PLTP: variants seen among roughly 807,000 people sequenced by gnomAD.
The protein encoded by PLTP is phospholipid transfer protein, also known as BPI fold containing family E.
Under a neutral mutation model 54.1 loss-of-function variants are expected in PLTP, and 43 were observed. The ratio of observed to expected loss-of-function variants is 0.79; its 90% CI spans 0.62 to 1.02. The LOEUF (loss-of-function observed/expected upper bound fraction) is 1.02. Among genes scored for constraint, PLTP ranks in the 50% least tolerant of loss-of-function variants. PLTP has a pLI of 0.00. For missense variants in PLTP, 604 were observed against 645.9 expected, an observed-to-expected ratio of 0.94 and a Z score of 0.70; for synonymous variants, 263 against 264.6, an observed-to-expected ratio of 0.99 and a Z score of 0.06.
Position 45,911,335 on chromosome 20 carries a change from T to C in PLTP, c.100+18A>G. The C allele has an allele frequency of 6.2e-7, 1 of 1,613,766 alleles. No homozygotes were observed. The highest frequency in any genetic ancestry group is 8.5e-7 in the Non-Finnish European group (1 of 1,180,010). Reference sequence around the variant, plus strand: ...CCCCGTCCGCTCCCGTCCGTCCCTGTCTGCCCCTGCGCCTTACCCAGCTCC... The same window carrying C: ...CCCCGTCCGCTCCCGTCCGTCCCTGCCTGCCCCTGCGCCTTACCCAGCTCC... On this transcript the variant is annotated intron_variant, in intron 2 of 15. Coordinates refer to ENST00000372431, the MANE Select transcript of PLTP (RefSeq NM_006227.4).
Position 45,907,880 on chromosome 20 carries a change from C to T in PLTP, c.510G>A (p.Thr170=), listed in dbSNP as rs926077509. The change falls in exon 6 of 16, where the codon ACG becomes ACA. Residue 170 remains threonine (T), a synonymous_variant. Transcript: ENST00000372431. ...GGAAGCGCATCCCTGAGGTGATGAA[C>T]GTGGAGAGAAAATCATACACCTTCC... ...TFKKVYDFLS[T]FITSGMRFLL... 1.9e-6 allele frequency: 3 copies of T among 1,588,340 alleles called. No individual in the cohort carries two copies. Among genetic ancestry groups the T allele is most frequent in the South Asian group, 1.1e-5 (1 of 86,988 alleles).
At chr20:45,910,204 C>T in intron 3 of PLTP, 134 bp from the exon 4 acceptor site, 2 of 960,414 alleles carry the variant, frequency 2.1e-6, no homozygotes, top group South Asian at 1.4e-5. Context: ...TTCCATTGTC[C>T]CTCAAGTGCC....
chr20:45,900,635 C>G (rs1464451101), intron 12 of PLTP, among the ~76,000 whole-genome samples: 4 of 152,056 alleles, frequency 2.6e-5, no homozygotes, highest in Non-Finnish European at 1.5e-5. Context: ...TCAAGTCAGC[C>G]TCCCACCTCA....
chr20:45,901,762 C>T (rs188497120), intron 12 of PLTP, among the ~76,000 whole-genome samples: 122 of 151,804 alleles, frequency 8.0e-4, no homozygotes, highest in African/African-American at 2.7e-3. Flanking sequence ...ATTAGCCGGG[C>T]GTGGTGGCGC....
chr20:45,904,984 G>A lies in PLTP; in HGVS notation c.840C>T (p.Tyr280=). The A allele has an allele frequency of 1.2e-6, 2 of 1,614,208 alleles. No homozygotes were observed. The highest frequency in any genetic ancestry group is 1.7e-6 in the Non-Finnish European group (2 of 1,180,026). ...EFFFDSAMES[Y]FRAGALQLLL... ...ACAGCTGCAGGGCCCCCGCCCGGAA[G>A]TAGCTCTCCATGGCAGAGTCGAAGA... is the stretch of plus-strand genomic sequence containing the variant. The change falls in exon 9 of 16, where the codon TAC becomes TAT. Residue 280 remains tyrosine, a synonymous_variant. Coordinates refer to ENST00000372431, the MANE Select transcript of PLTP (RefSeq NM_006227.4).
In PLTP at chr20:45,902,296, C is replaced by A. The variant is rs763077191; in HGVS notation, c.1146G>T (p.Lys382Asn). 6.8e-6 allele frequency: 11 copies of A among 1,614,118 alleles called. No homozygotes were observed. The South Asian group carries it at 1.2e-4, about 18-fold the overall frequency. ...GCAGGTCCAGCTGCGTGCGCAGGGC[C>A]TTCCCCCGGAGAGCCATCTTGGCGC... is the stretch of plus-strand genomic sequence containing the variant. ...RLSAKMALRG[K>N]ALRTQLDLRR... Residue 382 changes from lysine (K) to asparagine (N), a missense_variant, in exon 12 of 16, where the codon AAG becomes AAT. Physicochemically the swap from Lys to Asn is moderately conservative, Grantham distance 94. Transcript: ENST00000372431.
chr20:45,899,812 G>GGGCCCCCCC, intron 13 of PLTP, 24 bp downstream of exon 13: 1 of 309,340 alleles, frequency 3.2e-6, no homozygotes, highest in Non-Finnish European at 6.2e-6. Context: ...ACCCAGCCCA[G>GGGCCCCCCC]CCCACCCACC....
intron 14 of PLTP, 39 bp downstream of exon 14, chr20:45,899,583 C>T (rs974614397): frequency 6.2e-7 from 1 of 1,614,116 alleles, no homozygotes; most frequent in Non-Finnish European, 8.5e-7. Flanking sequence ...GCCCAGTTCA[C>T]CCCTCCTTTC....
intron 7 of PLTP, 67 bp downstream of exon 7, chr20:45,907,625 C>G (rs1458029820): frequency 2.7e-6 from 4 of 1,461,024 alleles, no homozygotes; most frequent in East Asian, 2.3e-5. Flanking sequence ...CAGCAGGGCT[C>G]GGAAGGGGCC....
rs1426186915 is a variant in PLTP, at chr20:45,899,372, G to T, written c.1359+90C>A. On this transcript the variant is annotated intron_variant, in intron 15 of 15. Coordinates refer to ENST00000372431, the MANE Select transcript of PLTP (RefSeq NM_006227.4). ...TAAAATGGGAGGGGCGACTGGTAAT[G>T]GGGGAGCTGGGGTCAGGTAATGGAG... The T allele has an allele frequency of 7.4e-6, 10 of 1,354,058 alleles. No individual in the cohort carries two copies. The Admixed American group carries it at 1.5e-4, about 21-fold the overall frequency. 83.9% of individuals were successfully genotyped at this position (1,354,058 alleles called of 1,614,324 possible). A position where few individuals can be genotyped will look rare whatever the true frequency, so the allele number is the denominator to read the frequency against.
chr20:45,911,337 T>G lies in PLTP; in HGVS notation c.100+16A>C, dbSNP rs776163275. 1 of 1,613,718 alleles carries G rather than the reference T, an allele frequency of 6.2e-7. No homozygotes were observed. The highest frequency in any genetic ancestry group is 1.1e-5 in the South Asian group (1 of 91,084). ...CCGTCCGCTCCCGTCCGTCCCTGTC[T>G]GCCCCTGCGCCTTACCCAGCTCCAG... On this transcript the variant is annotated intron_variant, in intron 2 of 15. Coordinates refer to ENST00000372431, the MANE Select transcript of PLTP (RefSeq NM_006227.4).
At position 45,901,805 on chromosome 20, in the gene PLTP, G is replaced by A. The variant is rs947649783; in HGVS notation, c.1175+462C>T. ...TAATCCCAGCTACTCAGGAAGCTGAGGCAGAATTGCCTAAACCCGGGAGGC... is the reference window on the plus strand; with the variant it reads ...TAATCCCAGCTACTCAGGAAGCTGAAGCAGAATTGCCTAAACCCGGGAGGC... On this transcript the variant is annotated intron_variant, in intron 12 of 15. Coordinates refer to ENST00000372431, the MANE Select transcript of PLTP (RefSeq NM_006227.4). Among the ~76,000 whole-genome samples the A allele has an allele frequency of 3.3e-5, 5 of 151,340 alleles. No individual in the cohort carries two copies. In the East Asian group the frequency reaches 5.8e-4, roughly 18 times the overall value.
chr20:45,911,693 T>C (rs1156990101), intron 1 of PLTP: 6 of 596,952 alleles, frequency 1.0e-5, no homozygotes, highest in Non-Finnish European at 1.8e-5. Context: ...GGAGGGGACG[T>C]TCCCAGTTCC....
Position 45,904,868 on chromosome 20 carries a change from G to A in PLTP, c.883-9C>T, listed in dbSNP as rs1233822817. ...TCCAGGTCGTGGGGCACCTGAACAG[G>A]GGAATCAGGAGTGAGGGAGTGAGCT... On this transcript the variant is annotated splice_polypyrimidine_tract_variant and intron_variant, in intron 9 of 15. Coordinates refer to ENST00000372431, the MANE Select transcript of PLTP (RefSeq NM_006227.4). The A allele has an allele frequency of 1.2e-6, 2 of 1,614,206 alleles. No individual in the cohort carries two copies. Among genetic ancestry groups the A allele is most frequent in the Non-Finnish European group, 8.5e-7 (1 of 1,180,002 alleles).
chr20:45,906,496 G>A, intron 7 of PLTP, 137 bp from the exon 8 acceptor site: 1 of 728,684 alleles, frequency 1.4e-6, no homozygotes, highest in Non-Finnish European at 2.5e-6. Flanking sequence ...TTAGTTTTAT[G>A]TGGAAAGCAC....
At chr20:45,908,205 G>A (rs1378380585) in intron 5 of PLTP, among the ~76,000 whole-genome samples, 2 of 152,020 alleles carry the variant, frequency 1.3e-5, no homozygotes, top group Non-Finnish European at 2.9e-5. Context: ...TCCGCCCTCT[G>A]CATTCCTACT....
In PLTP at chr20:45,911,288, C is replaced by A. The variant is rs11569631; in HGVS notation, c.101-37G>T. Reference sequence around the variant, plus strand: ...GAGAAACCCTTACTTAGCTCCCGTGCCCACTGTTGGGGCGACCCCAACCCC... The same window carrying A: ...GAGAAACCCTTACTTAGCTCCCGTGACCACTGTTGGGGCGACCCCAACCCC... On this transcript the variant is annotated intron_variant, in intron 2 of 15. Coordinates refer to ENST00000372431, the MANE Select transcript of PLTP (RefSeq NM_006227.4). 1.3e-3 allele frequency: 2,175 copies of A among 1,613,466 alleles called. 27 individuals are homozygous for A. In the African/African-American group the frequency reaches 0.026, roughly 19 times the overall value.
chr20:45,898,986 A>C lies in PLTP; in HGVS notation c.1437T>G (p.Asp479Glu). 1 of 1,614,024 alleles carries C rather than the reference A, an allele frequency of 6.2e-7. No homozygotes were observed. The highest frequency in any genetic ancestry group is 8.5e-7 in the Non-Finnish European group (1 of 1,179,996). Residue 479 changes from aspartate (D) to glutamate (E), a missense_variant, in exon 16 of 16, where the codon GAT (aspartate) becomes GAG (glutamate). Transcript: ENST00000372431. The surrounding 1 kb of genome is among the most constrained non-coding windows in gnomAD (Gnocchi z 4.6). ...REVIEKNRPA[D>E]VRASTAPTPS... ...GTGTGGGGGCAGTGGACGCCCTGAC[A>C]TCAGCAGGCCGGTTCTTCTCAATCA...
intron 3 of PLTP, chr20:45,910,741 T>C: frequency 1.2e-6 from 1 of 811,316 alleles, no homozygotes; most frequent in Non-Finnish European, 1.6e-6. Flanking sequence ...CCGTCTCACA[T>C]CTCAATTCCT....
Sources: gnomAD v4.1 joint callset for allele counts (sites outside exome capture counted in the v4.1 genomes callset) on GRCh38, gnomAD v4.1.1 for gene constraint, Gnocchi (gnomAD v3.1) non-coding constraint, MANE v1.5 for transcripts, NCBI Gene and HGNC (gene_info 2026-07-23, HGNC 2026-07-21) for gene names.